The following GIPC2 variants were observed in gnomAD, a reference collection of about 807,000 sequenced individuals.
The protein encoded by GIPC2 is GIPC PDZ domain containing family member 2.
GIPC2 carries 30 observed loss-of-function variants against 30.6 expected under a neutral mutation model. The observed-to-expected ratio is 0.98, with a 90% CI of 0.73 to 1.33. The LOEUF (loss-of-function observed/expected upper bound fraction) is 1.33, where lower values mean the gene tolerates loss of function less well. Among genes scored for constraint, GIPC2 ranks in the 40% most tolerant of loss-of-function variants. GIPC2 has a pLI of 0.00. For missense variants in GIPC2, 414 were observed against 390.3 expected (o/e 1.06, Z -0.51); for synonymous variants, 167 against 150.0 (o/e 1.11, Z -0.83).
chr1:78,108,464 C>CT (rs1662402012), intron 3 of GIPC2, among the ~76,000 whole-genome samples: 1 of 152,202 alleles, frequency 6.6e-6, no homozygotes, highest in South Asian at 2.1e-4. Context: ...GTTGAGCCAC[C>CT]TTTGTGTGCT....
intron 3 of GIPC2, among the ~76,000 whole-genome samples, chr1:78,114,478 T>C (rs1342667131): frequency 1.3e-5 from 2 of 152,230 alleles, no homozygotes; most frequent in South Asian, 4.1e-4. Context: ...GATTGATTTA[T>C]GTACCTGGAT....
chr1:78,128,357 G>C (rs1223349677), intron 5 of GIPC2, among the ~76,000 whole-genome samples: 3 of 152,132 alleles, frequency 2.0e-5, no homozygotes, highest in Non-Finnish European at 4.4e-5. Context: ...TGAAATTGCA[G>C]ATCTCAAGGA....
intron 3 of GIPC2, among the ~76,000 whole-genome samples, chr1:78,102,141 A>T (rs1662260918): frequency 1.3e-5 from 2 of 152,206 alleles, no homozygotes; most frequent in Non-Finnish European, 2.9e-5. Context: ...TACCTCCTAA[A>T]GCATTTATGG....
intron 5 of GIPC2, among the ~76,000 whole-genome samples, chr1:78,129,875 A>C (rs1168896347): frequency 6.6e-6 from 1 of 152,172 alleles, no homozygotes. Context: ...GCAACTTCAG[A>C]ATTTTAGGGT....
At chr1:78,106,389 C>G (rs1180228888) in intron 3 of GIPC2, among the ~76,000 whole-genome samples, 1 of 151,906 alleles carries the variant, frequency 6.6e-6, no homozygotes, top group Non-Finnish European at 1.5e-5. Flanking sequence ...TAAACACCAT[C>G]TCTACTAAAA....
At chr1:78,128,614 A>T (rs1193440493) in intron 5 of GIPC2, among the ~76,000 whole-genome samples, 4 of 152,240 alleles carry the variant, frequency 2.6e-5, no homozygotes, top group Non-Finnish European at 5.9e-5. Context: ...GGAGGGAAGC[A>T]AATGTATATA....
At chr1:78,048,901 A>G (rs1308206224) in intron 1 of GIPC2, among the ~76,000 whole-genome samples, 1 of 152,236 alleles carries the variant, frequency 6.6e-6, no homozygotes, top group African/African-American at 2.4e-5. Flanking sequence ...TAACCCGGGT[A>G]TATGGGTAAA....
At chr1:78,131,530 C>T (rs1405492361) in intron 5 of GIPC2, among the ~76,000 whole-genome samples, 5 of 152,056 alleles carry the variant, frequency 3.3e-5, no homozygotes, top group African/African-American at 4.8e-5. Context: ...TTTATTATTG[C>T]AGTATATTGT....
intron 1 of GIPC2, among the ~76,000 whole-genome samples, chr1:78,049,143 GA>G (rs766031799): frequency 6.6e-6 from 1 of 152,160 alleles, no homozygotes; most frequent in Non-Finnish European, 1.5e-5. Flanking sequence ...CAGCAATAAT[GA>G]TGTAAACAAC....
chr1:78,066,903 G>C (rs1215809453), intron 1 of GIPC2, among the ~76,000 whole-genome samples: 1 of 152,116 alleles, frequency 6.6e-6, no homozygotes, highest in Non-Finnish European at 1.5e-5. Context: ...ATGGGAGGAG[G>C]GAGAAGATCA....
At chr1:78,097,725 A>C (rs114577021) in intron 3 of GIPC2, among the ~76,000 whole-genome samples, 682 of 152,336 alleles carry the variant, frequency 4.5e-3, no homozygotes, top group Non-Finnish European at 7.8e-3. Context: ...CATTTATTAG[A>C]GACTACCATG....
At chr1:78,097,455 CTAAAGACTTAGCCT>C (rs779749129) in intron 3 of GIPC2, among the ~76,000 whole-genome samples, 20 of 152,278 alleles carry the variant, frequency 1.3e-4, no homozygotes, top group Non-Finnish European at 2.4e-4. Context: ...ACCAACTTCC[CTAAAGACTTAGCCT>C]GGAGAGGCAT....
intron 2 of GIPC2, among the ~76,000 whole-genome samples, chr1:78,081,142 A>G (rs764354430): frequency 3.9e-5 from 6 of 152,086 alleles, no homozygotes; most frequent in Middle Eastern, 3.2e-3. Flanking sequence ...AAGCTTTTCC[A>G]TGTCTGTAGG....
intron 3 of GIPC2, 62 bp downstream of exon 3, chr1:78,095,194 AGG>A: frequency 8.9e-7 from 1 of 1,119,520 alleles, no homozygotes; most frequent in South Asian, 1.3e-5. Context: ...TATCTTTCTA[AGG>A]GAAATGAGTA....
intron 1 of GIPC2, among the ~76,000 whole-genome samples, chr1:78,069,918 G>A (rs923140904): frequency 5.9e-5 from 9 of 152,066 alleles, no homozygotes; most frequent in African/African-American, 1.4e-4. Flanking sequence ...CCTGTTGTAG[G>A]GTGTAGTAAG....
chr1:78,120,854 A>C (rs1662668221), intron 4 of GIPC2, among the ~76,000 whole-genome samples: 1 of 152,150 alleles, frequency 6.6e-6, no homozygotes, highest in Non-Finnish European at 1.5e-5. Flanking sequence ...GCTACAATTC[A>C]AGATGAGATT....
At chr1:78,077,779 A>G (rs1166228087) in intron 1 of GIPC2, among the ~76,000 whole-genome samples, 1 of 152,230 alleles carries the variant, frequency 6.6e-6, no homozygotes, top group East Asian at 1.9e-4. Context: ...TATTGTTTTC[A>G]TATGAGTATG....
intron 5 of GIPC2, among the ~76,000 whole-genome samples, chr1:78,131,184 T>G (rs1662888475): frequency 6.6e-6 from 1 of 152,088 alleles, no homozygotes; most frequent in African/African-American, 2.4e-5. Context: ...CATTATACTG[T>G]AAGAAAATTC....
intron 1 of GIPC2, among the ~76,000 whole-genome samples, chr1:78,058,895 T>C (rs540282572): frequency 6.6e-6 from 1 of 152,354 alleles, no homozygotes; most frequent in South Asian, 2.1e-4. Context: ...AAAGGGACTC[T>C]ATGGTAACTC....
Sources: gnomAD v4.1 joint callset for allele counts (sites outside exome capture counted in the v4.1 genomes callset) on GRCh38, gnomAD v4.1.1 for gene constraint, MANE v1.5 for transcripts, NCBI Gene and HGNC (gene_info 2026-07-23, HGNC 2026-07-21) for gene names.